PRKN: variants seen among roughly 807,000 people sequenced by gnomAD.
PRKN encodes E3 ubiquitin-protein ligase parkin.
A neutral mutation model predicts 59.5 loss-of-function variants in PRKN; 56 were observed. The observed-to-expected ratio is 0.94, with a 90% CI of 0.76 to 1.18. The LOEUF (loss-of-function observed/expected upper bound fraction) is 1.18, where lower values mean the gene tolerates loss of function less well. Ranked by LOEUF, PRKN falls within the 50% of genes most tolerant of loss-of-function variation. PRKN has a pLI of 0.00. For synonymous variants in PRKN, 250 were observed against 222.1 expected (o/e 1.13, Z -1.12); for missense variants, 657 against 596.4 (o/e 1.10, Z -1.06).
intron 7 of PRKN, among the ~76,000 whole-genome samples, chr6:161,700,116 C>G (rs551998658): frequency 3.4e-4 from 52 of 151,930 alleles, no homozygotes; most frequent in Non-Finnish European, 6.3e-4. Flanking sequence ...TGTTCCCCAT[C>G]TTTGAACATC....
intron 1 of PRKN, among the ~76,000 whole-genome samples, chr6:162,447,351 T>C (rs16888779): frequency 0.09 from 13,632 of 150,758 alleles, 685 homozygotes; most frequent in African/African-American, 0.14. Context: ...TGATAGAGAA[T>C]ATGGCTCACC....
chr6:161,490,964 G>C (rs1313681297), intron 9 of PRKN, among the ~76,000 whole-genome samples: 1 of 152,094 alleles, frequency 6.6e-6, no homozygotes, highest in African/African-American at 2.4e-5. Context: ...TGCTGTGATT[G>C]AAAGTTTCCT....
intron 6 of PRKN, among the ~76,000 whole-genome samples, chr6:161,963,472 T>C (rs898527095): frequency 1.3e-5 from 2 of 152,232 alleles, no homozygotes; most frequent in Non-Finnish European, 2.9e-5. Flanking sequence ...TAAAACTGAA[T>C]GGTTCACATT....
chr6:162,555,117 A>G (rs1779506784), intron 1 of PRKN, among the ~76,000 whole-genome samples: 1 of 152,190 alleles, frequency 6.6e-6, no homozygotes, highest in Non-Finnish European at 1.5e-5. Context: ...CAACGCAAAC[A>G]CATGGTAAAT....
chr6:162,419,840 G>T (rs1443889338), intron 2 of PRKN, among the ~76,000 whole-genome samples: 1 of 151,972 alleles, frequency 6.6e-6, no homozygotes, highest in Non-Finnish European at 1.5e-5. Context: ...AACCATTTTA[G>T]AAAGTTGCTG....
chr6:162,144,145 C>T (rs1781904117), intron 4 of PRKN, among the ~76,000 whole-genome samples: 1 of 152,114 alleles, frequency 6.6e-6, no homozygotes, highest in African/African-American at 2.4e-5. Context: ...GTGCTCACTA[C>T]CCCAGCTTGA....
rs1382089937 is a variant in PRKN, at chr6:161,902,556, A to ATCTATTTTTTTTTTTTTT, written c.734+70745_734+70746insAAAAAAAAAAAAAATAGA. Among the ~76,000 whole-genome samples, 9 of 118,200 alleles carry ATCTATTTTTTTTTTTTTT rather than the reference A, an allele frequency of 7.6e-5. 1 individual carries two copies. The highest frequency in any genetic ancestry group is 8.7e-5 in the Admixed American group (1 of 11,558). The allele number at this position is 118,200 out of a possible 152,430, so 77.5% of individuals were successfully genotyped here. A position where few individuals can be genotyped will look rare whatever the true frequency, so the allele number is the denominator to read the frequency against. On this transcript the variant is annotated intron_variant, in intron 6 of 11. Transcript: ENST00000366898. ...TATCTATCTATCTATCTATTTATTT[A>ATCTATTTTTTTTTTTTTT]TTTATTTATTTTTTTTTTTTTGCGA...
chr6:161,350,799 A>T (rs1784506142), intron 11 of PRKN, among the ~76,000 whole-genome samples: 2 of 29,502 alleles, frequency 6.8e-5, no homozygotes, highest in Admixed American at 7.8e-4. Context: ...TTATATTTAA[A>T]ATATATATAT....
intron 7 of PRKN, among the ~76,000 whole-genome samples, chr6:161,777,875 C>T (rs908308776): frequency 1.6e-4 from 21 of 135,176 alleles, no homozygotes; most frequent in East Asian, 4.2e-4. Context: ...TATATGTATA[C>T]GTATATATGT....
chr6:161,937,210 TATC>T (rs1404276172), intron 6 of PRKN, among the ~76,000 whole-genome samples: 1 of 152,262 alleles, frequency 6.6e-6, no homozygotes, highest in Non-Finnish European at 1.5e-5. Context: ...AAACGGCTGC[TATC>T]ATCACTTACA....
chr6:162,445,778 A>T (rs551630150), intron 1 of PRKN, among the ~76,000 whole-genome samples: 1 of 147,396 alleles, frequency 6.8e-6, no homozygotes, highest in African/African-American at 2.5e-5. Flanking sequence ...AAAAGGCTTT[A>T]TGACATAAAT....
chr6:162,354,062 T>C (rs1227253416), intron 2 of PRKN, among the ~76,000 whole-genome samples: 1 of 152,158 alleles, frequency 6.6e-6, no homozygotes. Context: ...TATCTCTTCA[T>C]ATGAAATGGG....
At chr6:161,992,386 T>C (rs1296498781) in intron 5 of PRKN, among the ~76,000 whole-genome samples, 1 of 152,084 alleles carries the variant, frequency 6.6e-6, no homozygotes, top group Non-Finnish European at 1.5e-5. Flanking sequence ...TAATGAAACA[T>C]GTATCAATTC....
At chr6:162,601,323 G>A (rs1781700825) in intron 1 of PRKN, among the ~76,000 whole-genome samples, 1 of 152,122 alleles carries the variant, frequency 6.6e-6, no homozygotes, top group African/African-American at 2.4e-5. Flanking sequence ...ATGAACTTTT[G>A]GGGGACACAT....
At chr6:161,408,061 C>T (rs1361283036) in intron 9 of PRKN, among the ~76,000 whole-genome samples, 1 of 152,134 alleles carries the variant, frequency 6.6e-6, no homozygotes, top group Non-Finnish European at 1.5e-5. Flanking sequence ...TTGGTGGTCT[C>T]TTCACATGGA....
intron 7 of PRKN, among the ~76,000 whole-genome samples, chr6:161,776,170 G>T (rs1018085160): frequency 6.6e-6 from 1 of 152,154 alleles, no homozygotes; most frequent in Non-Finnish European, 1.5e-5. Context: ...TCATTCTACA[G>T]TAGCACTCTC....
intron 3 of PRKN, among the ~76,000 whole-genome samples, chr6:162,234,790 C>T (rs1323177750): frequency 6.6e-6 from 1 of 152,216 alleles, no homozygotes; most frequent in African/African-American, 2.4e-5. Flanking sequence ...CAGACACCGT[C>T]TGTGTTATCA....
intron 3 of PRKN, among the ~76,000 whole-genome samples, chr6:162,225,294 C>G (rs1018951518): frequency 6.6e-6 from 1 of 152,148 alleles, no homozygotes; most frequent in African/African-American, 2.4e-5. Flanking sequence ...ATGACCCAAG[C>G]ACCTCCCGAA....
intron 1 of PRKN, among the ~76,000 whole-genome samples, chr6:162,451,258 T>C (rs1449552179): frequency 6.6e-6 from 1 of 151,308 alleles, no homozygotes; most frequent in Non-Finnish European, 1.5e-5. Flanking sequence ...AAGTAAACCA[T>C]TCTCGGAGAA....
Sources: gnomAD v4.1 joint callset for allele counts (sites outside exome capture counted in the v4.1 genomes callset) on GRCh38, gnomAD v4.1.1 for gene constraint, MANE v1.5 for transcripts, NCBI Gene and HGNC (gene_info 2026-07-23, HGNC 2026-07-21) for gene names.